The following MMADHC variants were observed in gnomAD, a reference collection of about 807,000 sequenced individuals.
The protein encoded by MMADHC is metabolism of cobalamin associated D.
MMADHC carries 23 observed loss-of-function variants against 36.3 expected under a neutral mutation model. The observed-to-expected ratio is 0.63, with a 90% CI of 0.46 to 0.90. The LOEUF is 0.90. Ranked by LOEUF, MMADHC falls within the 40% of genes least tolerant of loss-of-function variation. MMADHC has a pLI of 0.00. For missense variants in MMADHC, 330 were observed against 348.0 expected (o/e 0.95, Z 0.41); for synonymous variants, 97 against 116.1 (o/e 0.84, Z 1.06).
At position 149,582,177 on chromosome 2, in the gene MMADHC, C is replaced by G. The variant is rs1057389942; in HGVS notation, c.104G>C (p.Gly35Ala). The change falls in exon 3 of 8, where the codon GGA (glycine) becomes GCA (alanine). Residue 35 changes from glycine to alanine, a missense_variant. Transcript: ENST00000303319. ...VVNPKAFSTA[G>A]SSGSDESHVA... is the part of the protein sequence containing the mutation. ...ATGAGACTCATCCGAACCTGATGATCCTGCAGTCGAAAAGGCTTTGGGATT... is the reference window on the plus strand; with the variant it reads ...ATGAGACTCATCCGAACCTGATGATGCTGCAGTCGAAAAGGCTTTGGGATT... 2 of 1,613,968 alleles carry G rather than the reference C, an allele frequency of 1.2e-6. No homozygotes were observed. Among genetic ancestry groups the G allele is most frequent in the South Asian group, 2.2e-5 (2 of 91,070 alleles).
At chr2:149,577,703 C>A (rs1682736981) in intron 4 of MMADHC, among the ~76,000 whole-genome samples, 1 of 151,998 alleles carries the variant, frequency 6.6e-6, no homozygotes, top group Admixed American at 6.6e-5. Context: ...GAGATTATTA[C>A]TATCCTCATG....
At chr2:149,587,000 C>G in intron 2 of MMADHC, 89 bp downstream of exon 2, 3 of 1,291,956 alleles carry the variant, frequency 2.3e-6, no homozygotes, top group Non-Finnish European at 3.4e-6. Context: ...ACTATACCAC[C>G]CAATGCCATC....
In MMADHC at chr2:149,584,031, T is replaced by C. The variant is rs532655601; in HGVS notation, c.10-1760A>G. Among the ~76,000 whole-genome samples, 8 of 152,308 alleles carry C rather than the reference T, an allele frequency of 5.3e-5. 1 individual carries two copies. The South Asian group carries it at 8.3e-4, about 16-fold the overall frequency. ...AAAGCATTCTGTCAACCTGAAAATTTAGGCTGCCTCTCTTGGGGTCTGTAC... is the reference window on the plus strand; with the variant it reads ...AAAGCATTCTGTCAACCTGAAAATTCAGGCTGCCTCTCTTGGGGTCTGTAC... On this transcript the variant is annotated intron_variant, in intron 2 of 7. Coordinates refer to ENST00000303319, the MANE Select transcript of MMADHC (RefSeq NM_015702.3).
At chr2:149,584,986 G>A (rs1163559410) in intron 2 of MMADHC, among the ~76,000 whole-genome samples, 2 of 149,940 alleles carry the variant, frequency 1.3e-5, no homozygotes, top group Non-Finnish European at 2.9e-5. Flanking sequence ...GGATTTCAGT[G>A]AGCAGAGATC....
chr2:149,576,101 G>A (rs905670443), intron 5 of MMADHC, among the ~76,000 whole-genome samples: 1 of 152,028 alleles, frequency 6.6e-6, no homozygotes, highest in African/African-American at 2.4e-5. Flanking sequence ...GTTATTTGGG[G>A]TTAATATAAT....
intron 6 of MMADHC, among the ~76,000 whole-genome samples, chr2:149,574,809 T>C (rs1682689750): frequency 6.6e-6 from 1 of 152,208 alleles, no homozygotes; most frequent in African/African-American, 2.4e-5. Context: ...AAGAAACTTC[T>C]TTTATAAGAG....
intron 6 of MMADHC, among the ~76,000 whole-genome samples, chr2:149,571,495 A>G (rs1682638262): frequency 6.6e-6 from 1 of 152,190 alleles, no homozygotes; most frequent in African/African-American, 2.4e-5. Flanking sequence ...TATGGTTGCT[A>G]TTTTGTATTA....
At chr2:149,573,730 A>G (rs982115530) in intron 6 of MMADHC, among the ~76,000 whole-genome samples, 2 of 152,184 alleles carry the variant, frequency 1.3e-5, no homozygotes, top group African/African-American at 4.8e-5. Flanking sequence ...ATAGAAAACT[A>G]CTGAATATGG....
At chr2:149,576,895 A>G (rs1573877364) in intron 4 of MMADHC, among the ~76,000 whole-genome samples, 1 of 152,202 alleles carries the variant, frequency 6.6e-6, no homozygotes, top group African/African-American at 2.4e-5. Flanking sequence ...CTTTTCTTCT[A>G]TAATCTGTAA....
chr2:149,573,710 ATTC>A (rs1682676406), intron 6 of MMADHC, among the ~76,000 whole-genome samples: 1 of 152,136 alleles, frequency 6.6e-6, no homozygotes, highest in Non-Finnish European at 1.5e-5. Context: ...AATCCTCATA[ATTC>A]TTAAAAATAG....
chr2:149,570,054 C>A lies in MMADHC; in HGVS notation c.811G>T (p.Gly271Cys), dbSNP rs1682615411. The A allele has an allele frequency of 1.2e-6, 2 of 1,613,642 alleles. No homozygotes were observed. The highest frequency in any genetic ancestry group is 1.7e-6 in the Non-Finnish European group (2 of 1,179,730). Residue 271 changes from glycine to cysteine, a missense_variant, in exon 8 of 8, where the codon GGT becomes TGT. Transcript: ENST00000303319. ...CCKVIRHSLW[G>C]THVVVGSIFT... ...ATACTCCCTACAACTACATGGGTAC[C>A]CCAGAGACTATGACGAATCACTTTA...
At position 149,575,830 on chromosome 2, in the gene MMADHC, G is replaced by T. The variant is rs760332707; in HGVS notation, c.490C>A (p.Leu164Met). 2 of 1,600,726 alleles carry T rather than the reference G, an allele frequency of 1.2e-6. No homozygotes were observed. Among genetic ancestry groups the T allele is most frequent in the South Asian group, 1.1e-5 (1 of 90,072 alleles). Residue 164 changes from leucine (L) to methionine (M), a missense_variant, in exon 6 of 8, where the codon CTG (leucine) becomes ATG (methionine). Leu to Met is a conservative substitution (Grantham distance 15). Transcript: ENST00000303319. ...PELLRKDFES[L>M]FPEVANGKLM... ...TTGCCATTAGCTACTTCTGGAAACAGTGATTCAAAATCTACAAATAAGAAT... is the reference window on the plus strand; with the variant it reads ...TTGCCATTAGCTACTTCTGGAAACATTGATTCAAAATCTACAAATAAGAAT...
intron 3 of MMADHC, among the ~76,000 whole-genome samples, chr2:149,580,372 T>A (rs1272452034): frequency 6.6e-6 from 1 of 152,028 alleles, no homozygotes; most frequent in Non-Finnish European, 1.5e-5. Context: ...GGAAAAAAAA[T>A]CATGCATCAC....
chr2:149,578,000 G>C (rs1480834968), intron 4 of MMADHC, among the ~76,000 whole-genome samples: 1 of 152,112 alleles, frequency 6.6e-6, no homozygotes, highest in Non-Finnish European at 1.5e-5. Flanking sequence ...CCTGGTGACA[G>C]AGCAAGACTT....
At chr2:149,579,035 T>A (rs1391265497) in intron 4 of MMADHC, among the ~76,000 whole-genome samples, 1 of 151,410 alleles carries the variant, frequency 6.6e-6, no homozygotes, top group Non-Finnish European at 1.5e-5. Context: ...TCTCAAATTT[T>A]TCTTAAGCTT....
chr2:149,582,108 A>C lies in MMADHC; in HGVS notation c.154+19T>G. On this transcript the variant is annotated intron_variant, in intron 3 of 7. Transcript: ENST00000303319. ...GTTTTGAAACAATTATAAGTAAAGC[A>C]GTAACAACTTTCACTTACATATATC... 2 of 1,612,816 alleles carry C rather than the reference A, an allele frequency of 1.2e-6. No individual in the cohort carries two copies. Among genetic ancestry groups the C allele is most frequent in the Non-Finnish European group, 1.7e-6 (2 of 1,178,892 alleles).
chr2:149,585,370 T>C (rs907361357), intron 2 of MMADHC, among the ~76,000 whole-genome samples: 1 of 152,230 alleles, frequency 6.6e-6, no homozygotes, highest in Admixed American at 6.5e-5. Context: ...GTTCTGCTTT[T>C]GATCATGTGA....
intron 3 of MMADHC, among the ~76,000 whole-genome samples, chr2:149,581,507 A>G (rs985185390): frequency 1.3e-5 from 2 of 152,168 alleles, no homozygotes; most frequent in African/African-American, 2.4e-5. Context: ...AGTGTGCCTT[A>G]TAAGCCTCCA....
In MMADHC at chr2:149,577,094, T is replaced by TA. The variant is rs199896657; in HGVS notation, c.373-553dup. ...TCACTCTCAGCTATTTCAGGCCTAA[T>TA]AAAAAAAAATAAGTACAAGCAAATA... On this transcript the variant is annotated intron_variant, in intron 4 of 7. Transcript: ENST00000303319. 5.3e-4 allele frequency among the ~76,000 whole-genome samples: 80 copies of TA among 150,824 alleles called. No individual in the cohort carries two copies. The East Asian group carries it at 0.011, about 20-fold the overall frequency.
Sources: gnomAD v4.1 joint callset for allele counts (sites outside exome capture counted in the v4.1 genomes callset) on GRCh38, gnomAD v4.1.1 for gene constraint, MANE v1.5 for transcripts, NCBI Gene and HGNC (gene_info 2026-07-23, HGNC 2026-07-21) for gene names.